The following GCLC variants were observed in gnomAD, a reference collection of about 807,000 sequenced individuals.
GCLC encodes glutamate-cysteine ligase catalytic subunit, also known as glutamate--cysteine ligase catalytic subunit.
A neutral mutation model predicts 81.5 loss-of-function variants in GCLC; 30 were observed. That is an observed-to-expected ratio of 0.37 (90% CI 0.28 to 0.50). The LOEUF (loss-of-function observed/expected upper bound fraction) is 0.50, where lower values mean the gene tolerates loss of function less well. Among genes scored for constraint, GCLC ranks in the 20% least tolerant of loss-of-function variants. The pLI is 0.96. For synonymous variants in GCLC, 262 were observed against 273.3 expected, an observed-to-expected ratio of 0.96 and a Z score of 0.41; for missense variants, 556 against 777.4, an observed-to-expected ratio of 0.72 and a Z score of 3.39.
chr6:53,504,850 C>T (rs193005038), intron 12 of GCLC, among the ~76,000 whole-genome samples: 1 of 152,326 alleles, frequency 6.6e-6, no homozygotes, highest in East Asian at 1.9e-4. Flanking sequence ...CAGCCACTCT[C>T]TGCCAAGAGG....
intron 6 of GCLC, 162 bp from the exon 7 acceptor site, chr6:53,509,412 T>C: frequency 1.5e-6 from 1 of 664,550 alleles, no homozygotes; most frequent in Non-Finnish European, 2.7e-6. Context: ...TTGTCTTAGG[T>C]GAATTTAACT....
intron 1 of GCLC, among the ~76,000 whole-genome samples, chr6:53,536,183 A>C (rs1340026588): frequency 6.6e-6 from 1 of 152,222 alleles, no homozygotes; most frequent in Non-Finnish European, 1.5e-5. Context: ...AGACCAAAAG[A>C]GGATATGCTG....
chr6:53,508,444 T>TA (rs1764662938), intron 8 of GCLC, 151 bp downstream of exon 8: 2 of 708,232 alleles, frequency 2.8e-6, no homozygotes, highest in Admixed American at 3.9e-5. Flanking sequence ...GACATCAACA[T>TA]ACGATAAAAA....
intron 1 of GCLC, among the ~76,000 whole-genome samples, chr6:53,539,640 A>G (rs764303016): frequency 7.2e-5 from 11 of 152,082 alleles, no homozygotes; most frequent in African/African-American, 1.2e-4. Flanking sequence ...CCATGGCTCT[A>G]TAAGTGCAAC....
At chr6:53,512,865 A>G (rs1764780944) in intron 6 of GCLC, 1 of 152,198 alleles carries the variant, frequency 6.6e-6, no homozygotes, top group African/African-American at 2.4e-5. Context: ...AAAGGCAATC[A>G]ATACTCTTAA....
chr6:53,527,875 G>A (rs1430766771), intron 1 of GCLC, among the ~76,000 whole-genome samples: 1 of 152,148 alleles, frequency 6.6e-6, no homozygotes, highest in Non-Finnish European at 1.5e-5. Flanking sequence ...ACCACTGACT[G>A]CAGCACAATC....
chr6:53,508,879 C>T (rs1312363206), intron 7 of GCLC, among the ~76,000 whole-genome samples, 168 bp from the exon 8 acceptor site: 1 of 152,178 alleles, frequency 6.6e-6, no homozygotes, highest in Non-Finnish European at 1.5e-5. Flanking sequence ...GAATCCAGTT[C>T]CTTGGGTTTG....
intron 1 of GCLC, chr6:53,524,076 G>A (rs985158017): frequency 2.6e-5 from 4 of 152,150 alleles, no homozygotes; most frequent in African/African-American, 4.8e-5. Flanking sequence ...CAGAAAACTT[G>A]GTTGAGTCTC....
chr6:53,505,665 T>C (rs1764600299), intron 11 of GCLC, 138 bp downstream of exon 11: 1 of 747,844 alleles, frequency 1.3e-6, no homozygotes, highest in Non-Finnish European at 2.4e-6. Flanking sequence ...CCTCCTTAAC[T>C]TGGACTGACT....
At chr6:53,517,836 G>A (rs1581738075) in intron 3 of GCLC, among the ~76,000 whole-genome samples, 1 of 152,192 alleles carries the variant, frequency 6.6e-6, no homozygotes, top group Non-Finnish European at 1.5e-5. Flanking sequence ...CGTGGCTACT[G>A]AGCCCTTGAA....
chr6:53,507,160 G>C, intron 9 of GCLC, 135 bp from the exon 10 acceptor site: 3 of 720,012 alleles, frequency 4.2e-6, no homozygotes, highest in South Asian at 3.0e-5. Context: ...GGTTTGATTA[G>C]TATCCTCACC....
rs567246974 is a variant in GCLC at position 53,510,767 on chromosome 6, T to C, written c.754-1517A>G. Among the ~76,000 whole-genome samples, 6 of 152,340 alleles carry C rather than the reference T, an allele frequency of 3.9e-5. No individual in the cohort carries two copies. In the East Asian group the frequency reaches 5.8e-4, roughly 15 times the overall value. ...ACTTTGTTTTCCACAGCAATGTCTA[T>C]TGGAGACTCAAGTTTGCCTGCTCAA... On this transcript the variant is annotated intron_variant, in intron 6 of 15. Coordinates refer to ENST00000650454, the MANE Select transcript of GCLC (RefSeq NM_001498.4).
Position 53,506,147 on chromosome 6 carries a change from C to A in GCLC, c.1198-252G>T. The A allele has an allele frequency of 2.3e-6, 1 of 433,180 alleles. No individual in the cohort carries two copies. Among genetic ancestry groups the A allele is most frequent in the Non-Finnish European group, 4.3e-6 (1 of 232,638 alleles). 26.8% of individuals were successfully genotyped at this position (433,180 alleles called of 1,614,324 possible). ...ATCTCACCCAGCTCCTACTCCCTAT[C>A]TCCCAGCTACAGAGCAGCATCTGAA... On this transcript the variant is annotated intron_variant, in intron 10 of 15. Coordinates refer to ENST00000650454, the MANE Select transcript of GCLC (RefSeq NM_001498.4). The surrounding 1 kb of genome is among the most constrained non-coding windows in gnomAD (Gnocchi z 4.0).
chr6:53,515,426 G>C (rs1325465103), intron 4 of GCLC, among the ~76,000 whole-genome samples: 1 of 152,228 alleles, frequency 6.6e-6, no homozygotes, highest in Non-Finnish European at 1.5e-5. Context: ...TATGAAGTTA[G>C]AAACTACGTC....
chr6:53,531,008 T>G (rs569969305), intron 1 of GCLC, among the ~76,000 whole-genome samples: 1 of 152,300 alleles, frequency 6.6e-6, no homozygotes, highest in African/African-American at 2.4e-5. Context: ...TCAGTTTGAA[T>G]CTTGGTAACT....
intron 3 of GCLC, 107 bp from the exon 4 acceptor site, chr6:53,516,329 C>T (rs1764871233): frequency 1.3e-6 from 1 of 753,854 alleles, no homozygotes; most frequent in Non-Finnish European, 2.4e-6. Context: ...TCTAGTATCC[C>T]CTTTTCAGAG....
At position 53,509,353 on chromosome 6, in the gene GCLC, A is replaced by T. The variant is rs374578111; in HGVS notation, c.754-103T>A. The T allele has an allele frequency of 7.9e-6, 6 of 755,212 alleles. No homozygotes were observed. In the African/African-American group the frequency reaches 8.6e-5, roughly 11 times the overall value. 46.8% of individuals were successfully genotyped at this position (755,212 alleles called of 1,614,324 possible). ...GTGCTGGGCAGAGAGGGGCAAGTTA[A>T]CAACGCTTCATTAATGGCAACATTT... is the stretch of plus-strand genomic sequence containing the variant. On this transcript the variant is annotated intron_variant, in intron 6 of 15. Transcript: ENST00000650454.
Position 53,514,482 on chromosome 6 carries a change from A to G in GCLC, c.576T>C (p.Asn192=), listed in dbSNP as rs762792931. 1.4e-5 allele frequency: 22 copies of G among 1,613,020 alleles called. No homozygotes were observed. In the South Asian group the frequency reaches 2.1e-4, roughly 15 times the overall value. Residue 192 remains asparagine (N), a synonymous_variant, in exon 5 of 16, where the codon AAT becomes AAC. Transcript: ENST00000650454. ...KHPRFSTLTR[N]IRHRRGEKVV... ...CCTTTTCTCCTCTCCTATGTCGGAT[A>G]TTTCTTGTTAAGGTACTAAAACAGA... is the stretch of plus-strand genomic sequence containing the variant.
In GCLC at chr6:53,520,828, A is replaced by T. The variant is rs370415968; in HGVS notation, c.396T>A (p.Thr132=). ...GAGCCTGATTTTCTTCTAATATAGA[A>T]GTAGCCTCCTTCCGGCGTTTTCGCA... ...ANMRKRRKEA[T]SILEENQALC... is the part of the protein sequence containing the mutation. The change falls in exon 3 of 16, where the codon ACT becomes ACA. Residue 132 remains threonine, a synonymous_variant. Coordinates refer to ENST00000650454, the MANE Select transcript of GCLC (RefSeq NM_001498.4). The T allele has an allele frequency of 3.7e-6, 6 of 1,614,084 alleles. No homozygotes were observed. In the African/African-American group the frequency reaches 6.7e-5, roughly 18 times the overall value.
Sources: allele counts gnomAD v4.1 joint callset (sites outside exome capture counted in the v4.1 genomes callset), GRCh38; gene constraint gnomAD v4.1.1; non-coding constraint Gnocchi (gnomAD v3.1); transcripts MANE v1.5; gene names NCBI Gene and HGNC (gene_info 2026-07-23, HGNC 2026-07-21).